Variants in KCTD8 observed in about 807,000 individuals in gnomAD.
The protein encoded by KCTD8 is potassium channel tetramerization domain containing 8.
KCTD8 carries 27 observed loss-of-function variants against 31.5 expected under a neutral mutation model. That is an observed-to-expected ratio of 0.86 (90% CI 0.63 to 1.18). The LOEUF (loss-of-function observed/expected upper bound fraction) is 1.18, where lower values mean the gene tolerates loss of function less well. KCTD8 is among the 50% of genes most tolerant of loss of function. KCTD8 has a pLI of 0.00. For synonymous variants in KCTD8, 290 were observed against 280.0 expected, an observed-to-expected ratio of 1.04 and a Z score of -0.36; for missense variants, 658 against 647.7, an observed-to-expected ratio of 1.02 and a Z score of -0.17.
chr4:44,222,026 T>C (rs935538942), intron 1 of KCTD8, among the ~76,000 whole-genome samples: 1 of 152,216 alleles, frequency 6.6e-6, no homozygotes, highest in Admixed American at 6.5e-5. Context: ...ATGTCTGTGA[T>C]AGGCACACTA....
chr4:44,342,901 C>T (rs984264530), intron 1 of KCTD8, among the ~76,000 whole-genome samples: 2 of 152,212 alleles, frequency 1.3e-5, no homozygotes, highest in African/African-American at 4.8e-5. Context: ...CTCTCTTAGC[C>T]TTCAGATAAC....
Position 44,214,393 on chromosome 4 carries a change from A to G in KCTD8, c.962-39143T>C, listed in dbSNP as rs150428754. On this transcript the variant is annotated intron_variant, in intron 1 of 1. Coordinates refer to ENST00000360029, the MANE Select transcript of KCTD8 (RefSeq NM_198353.3). ...ACTTTAGGCAGTGTCTCAAGTATAC[A>G]AAAATATAAACTCCTCCATATCAAA... Among the ~76,000 whole-genome samples, 1,068 of 152,328 alleles carry G rather than the reference A, an allele frequency of 7.0e-3. 18 individuals carry two copies. The highest frequency in any genetic ancestry group is 0.024 in the African/African-American group (1,003 of 41,582).
chr4:44,448,463 A>G lies in KCTD8; in HGVS notation c.61T>C (p.Ser21Pro). The G allele has an allele frequency of 1.3e-6, 2 of 1,543,352 alleles. No homozygotes were observed. Among genetic ancestry groups the G allele is most frequent in the Non-Finnish European group, 1.7e-6 (2 of 1,153,238 alleles). The change falls in exon 1 of 2, where the codon TCC becomes CCC. Residue 21 changes from serine to proline, a missense_variant. Transcript: ENST00000360029. The surrounding 1 kb of genome is among the most constrained non-coding windows in gnomAD (Gnocchi z 4.1). ...STILPISEMV[S>P]SSSSPGASAA... Reference sequence around the variant, plus strand: ...GACGCGCCGGGCGAGCTGGACGAGGAAACCATCTCGCTAATGGGCAGGATG... The same window carrying G: ...GACGCGCCGGGCGAGCTGGACGAGGGAACCATCTCGCTAATGGGCAGGATG...
At chr4:44,421,327 T>C (rs1048732126) in intron 1 of KCTD8, among the ~76,000 whole-genome samples, 1 of 152,242 alleles carries the variant, frequency 6.6e-6, no homozygotes, top group African/African-American at 2.4e-5. Context: ...CTGGAGTGTG[T>C]GCATCTCATT....
intron 1 of KCTD8, among the ~76,000 whole-genome samples, chr4:44,203,110 G>C (rs972275573): frequency 1.8e-4 from 28 of 152,100 alleles, no homozygotes; most frequent in African/African-American, 6.8e-4. Context: ...GGAGACTAAT[G>C]AGCCTGCCAC....
At chr4:44,370,453 G>T (rs555832997) in intron 1 of KCTD8, among the ~76,000 whole-genome samples, 1 of 152,194 alleles carries the variant, frequency 6.6e-6, no homozygotes, top group African/African-American at 2.4e-5. Flanking sequence ...TTTTTCTCAC[G>T]AAGTCTACTG....
At chr4:44,398,693 G>A (rs984667966) in intron 1 of KCTD8, among the ~76,000 whole-genome samples, 12 of 152,146 alleles carry the variant, frequency 7.9e-5, no homozygotes, top group African/African-American at 2.4e-4. Flanking sequence ...TCACTGGGGA[G>A]CAAAAGAGCA....
At chr4:44,262,952 G>A (rs181137401) in intron 1 of KCTD8, among the ~76,000 whole-genome samples, 40 of 152,174 alleles carry the variant, frequency 2.6e-4, no homozygotes, top group Admixed American at 1.5e-3. Flanking sequence ...AAGTAGAATC[G>A]CTAGTATTAT....
At chr4:44,326,070 A>G (rs889409024) in intron 1 of KCTD8, among the ~76,000 whole-genome samples, 19 of 152,008 alleles carry the variant, frequency 1.2e-4, no homozygotes, top group African/African-American at 4.6e-4. Context: ...TGTGGAACAC[A>G]TATCCCTTGT....
At chr4:44,234,214 T>G (rs567480272) in intron 1 of KCTD8, among the ~76,000 whole-genome samples, 6 of 152,148 alleles carry the variant, frequency 3.9e-5, no homozygotes, top group Non-Finnish European at 8.8e-5. Context: ...ATGACAGACA[T>G]GATTTCTACT....
chr4:44,298,105 A>T (rs914497021), intron 1 of KCTD8, among the ~76,000 whole-genome samples: 1 of 152,132 alleles, frequency 6.6e-6, no homozygotes, highest in African/African-American at 2.4e-5. Flanking sequence ...ATGTGTATAG[A>T]ATGATAATTG....
chr4:44,445,481 G>T (rs1721916903), intron 1 of KCTD8, among the ~76,000 whole-genome samples: 1 of 152,084 alleles, frequency 6.6e-6, no homozygotes, highest in Non-Finnish European at 1.5e-5. Context: ...CACTTCTGTA[G>T]CTCTAGAAGT....
chr4:44,278,798 G>C (rs1274438593), intron 1 of KCTD8, among the ~76,000 whole-genome samples: 1 of 151,966 alleles, frequency 6.6e-6, no homozygotes, highest in East Asian at 1.9e-4. Flanking sequence ...TCAAAGAGTT[G>C]AACTCCCAGT....
rs577868973 is a variant in KCTD8, at chr4:44,317,683, C to T, written c.961+129880G>A. Reference sequence around the variant, plus strand: ...GCATGTGGGAATTACTTATATCCTACAGCTCAAGGTCATTGCCAAGGTCTG... The same window carrying T: ...GCATGTGGGAATTACTTATATCCTATAGCTCAAGGTCATTGCCAAGGTCTG... On this transcript the variant is annotated intron_variant, in intron 1 of 1. Transcript: ENST00000360029. Among the ~76,000 whole-genome samples the T allele has an allele frequency of 7.2e-5, 11 of 152,290 alleles. No homozygotes were observed. The East Asian group carries it at 1.7e-3, about 24-fold the overall frequency.
chr4:44,366,016 A>T (rs1457299365), intron 1 of KCTD8, among the ~76,000 whole-genome samples: 1 of 152,228 alleles, frequency 6.6e-6, no homozygotes, highest in Non-Finnish European at 1.5e-5. Context: ...GCAAGTTGTA[A>T]AATTACAATA....
At chr4:44,186,214 C>G (rs1352107172) in intron 1 of KCTD8, among the ~76,000 whole-genome samples, 1 of 152,142 alleles carries the variant, frequency 6.6e-6, no homozygotes, top group Non-Finnish European at 1.5e-5. Context: ...CACTGGCAGA[C>G]GCCAGCAGGC....
intron 1 of KCTD8, among the ~76,000 whole-genome samples, chr4:44,303,265 T>C (rs1717687347): frequency 6.6e-6 from 1 of 152,146 alleles, no homozygotes; most frequent in Non-Finnish European, 1.5e-5. Flanking sequence ...CCTCTTTTTC[T>C]ATTGATTGGA....
rs368599529 is a variant in KCTD8 at position 44,444,420 on chromosome 4, C to T, written c.961+3143G>A. ...TTCATAATTCTGAAAGTATAGTATG[C>T]TATCATTTAATTGCAAAATAATTTT... On this transcript the variant is annotated intron_variant, in intron 1 of 1. Transcript: ENST00000360029. 1.2e-3 allele frequency among the ~76,000 whole-genome samples: 182 copies of T among 152,214 alleles called. 1 individual carries two copies. The highest frequency in any genetic ancestry group is 2.2e-3 in the Non-Finnish European group (147 of 68,012).
chr4:44,341,737 G>C (rs1718903006), intron 1 of KCTD8, among the ~76,000 whole-genome samples: 1 of 152,034 alleles, frequency 6.6e-6, no homozygotes. Flanking sequence ...CTGAAGTTTT[G>C]AACCCTACAA....
Sources: gnomAD v4.1 joint callset for allele counts (sites outside exome capture counted in the v4.1 genomes callset) on GRCh38, gnomAD v4.1.1 for gene constraint, Gnocchi (gnomAD v3.1) non-coding constraint, MANE v1.5 for transcripts, NCBI Gene and HGNC (gene_info 2026-07-23, HGNC 2026-07-21) for gene names.